Variants in SYN2 observed in about 807,000 individuals in gnomAD.
SYN2 encodes the protein synapsin II.
Under a neutral mutation model 50.9 loss-of-function variants are expected in SYN2, and 19 were observed. That is an observed-to-expected ratio of 0.37 (90% CI 0.26 to 0.55). The LOEUF (loss-of-function observed/expected upper bound fraction) is 0.55, where lower values mean the gene tolerates loss of function less well. Among genes scored for constraint, SYN2 ranks in the 20% least tolerant of loss-of-function variants. The pLI is 0.81. For synonymous variants in SYN2, 255 were observed against 224.9 expected, an observed-to-expected ratio of 1.13 and a Z score of -1.20; for missense variants, 587 against 576.4, an observed-to-expected ratio of 1.02 and a Z score of -0.19.
intron 1 of SYN2, among the ~76,000 whole-genome samples, chr3:12,025,910 G>T (rs1232004986): frequency 1.3e-5 from 2 of 152,176 alleles, no homozygotes; most frequent in East Asian, 3.8e-4. Flanking sequence ...AGCTTCCATT[G>T]AATTTTAAAG....
chr3:12,097,089 A>G (rs754589246), intron 1 of SYN2, among the ~76,000 whole-genome samples: 10 of 152,218 alleles, frequency 6.6e-5, no homozygotes, highest in Non-Finnish European at 1.3e-4. Flanking sequence ...AACTAGTTCA[A>G]CCATTGTGGA....
intron 1 of SYN2, among the ~76,000 whole-genome samples, chr3:12,100,862 T>C (rs1696058729): frequency 6.6e-6 from 1 of 152,016 alleles, no homozygotes; most frequent in Non-Finnish European, 1.5e-5. Flanking sequence ...CATCTACGTG[T>C]CAAGTAGATG....
intron 7 of SYN2, 80 bp downstream of exon 7, chr3:12,162,234 A>G: frequency 6.5e-7 from 1 of 1,535,728 alleles, no homozygotes; most frequent in Non-Finnish European, 8.8e-7. Flanking sequence ...CTCTCAGATA[A>G]CAGAGAGGGT....
chr3:12,124,134 C>A (rs1190464991), intron 1 of SYN2, among the ~76,000 whole-genome samples: 1 of 151,928 alleles, frequency 6.6e-6, no homozygotes, highest in East Asian at 1.9e-4. Context: ...GTGAAAAAAT[C>A]AAAATTGAGC....
chr3:12,083,334 T>G (rs186600407), intron 1 of SYN2, among the ~76,000 whole-genome samples: 1 of 152,228 alleles, frequency 6.6e-6, no homozygotes, highest in East Asian at 1.9e-4. Context: ...TTAGATCTTT[T>G]GGAGACAGCT....
At chr3:12,150,272 C>G (rs1445274384) in intron 4 of SYN2, among the ~76,000 whole-genome samples, 1 of 152,190 alleles carries the variant, frequency 6.6e-6, no homozygotes, top group African/African-American at 2.4e-5. Context: ...TGCTGATGCA[C>G]TGGGGATGGG....
At chr3:12,095,930 C>G (rs1346116860) in intron 1 of SYN2, among the ~76,000 whole-genome samples, 3 of 151,888 alleles carry the variant, frequency 2.0e-5, no homozygotes, top group African/African-American at 7.3e-5. Flanking sequence ...TCCCCACTTG[C>G]AGTTCTTATG....
At chr3:12,117,711 T>C (rs1185370606) in intron 1 of SYN2, among the ~76,000 whole-genome samples, 1 of 152,216 alleles carries the variant, frequency 6.6e-6, no homozygotes, top group Non-Finnish European at 1.5e-5. Context: ...CAGTTAGAGT[T>C]GTCAAGTTTT....
Position 12,191,802 on chromosome 3 carries a change from C to T in SYN2, c.*1177C>T, listed in dbSNP as rs1369804453. On this transcript the variant is annotated 3_prime_UTR_variant, in exon 13 of 13. Transcript: ENST00000621198. The stretch of plus-strand genomic sequence containing the variant: ...ATCATCAAGCTCCTCAGCTGAGGCC[C>T]ACATGGTGGTGCCAATGAGGCTGGA... Among the ~76,000 whole-genome samples, 5 of 152,126 alleles carry T rather than the reference C, an allele frequency of 3.3e-5. No individual in the cohort carries two copies. In the East Asian group the frequency reaches 9.6e-4, roughly 29 times the overall value.
At chr3:12,137,336 G>A (rs2125213889) in intron 1 of SYN2, among the ~76,000 whole-genome samples, 1 of 152,188 alleles carries the variant, frequency 6.6e-6, no homozygotes, top group East Asian at 1.9e-4. Context: ...GGGAAGTAGA[G>A]TAGTTTTCCC....
chr3:12,004,517 C>T lies in SYN2; in HGVS notation c.-35C>T, dbSNP rs770642166. On this transcript the variant is annotated 5_prime_UTR_variant, in exon 1 of 13. Transcript: ENST00000621198. ...CGCTCTCCCTCCGCGCCACCAGACC[C>T]CGTAGCCCCGCGCGCCCCCAGCCCT... is the stretch of plus-strand genomic sequence containing the variant. 3 of 546,712 alleles carry T rather than the reference C, an allele frequency of 5.5e-6. No individual in the cohort carries two copies. The highest frequency in any genetic ancestry group is 2.9e-4 in the Middle Eastern group (1 of 3,454). The allele number at this position is 546,712 out of a possible 1,614,324, so 33.9% of individuals were successfully genotyped here.
chr3:12,156,983 G>A (rs1208706544), intron 5 of SYN2: 1 of 1,362,412 alleles, frequency 7.3e-7, no homozygotes, highest in Admixed American at 1.8e-5. Flanking sequence ...TGAGTGTACT[G>A]TATATATTAA....
In SYN2 at chr3:12,153,837, C is replaced by A. The variant is rs900471748; in HGVS notation, c.774+2511C>A. The A allele has an allele frequency of 1.1e-5, 11 of 1,013,132 alleles. No individual in the cohort carries two copies. The African/African-American group carries it at 1.6e-4, about 15-fold the overall frequency. 62.8% of individuals were successfully genotyped at this position (1,013,132 alleles called of 1,614,324 possible). A position where few individuals can be genotyped will look rare whatever the true frequency, so the allele number is the denominator to read the frequency against. On this transcript the variant is annotated intron_variant, in intron 5 of 12. Transcript: ENST00000621198. ...GCCCCCTATCTTATCAAGCCTTTCC[C>A]AGTCCCCAGTCTTCTCCTGGATTCT...
chr3:12,158,732 G>A, intron 5 of SYN2: 1 of 1,609,698 alleles, frequency 6.2e-7, no homozygotes, highest in Non-Finnish European at 8.5e-7. Context: ...TGCTGCTGAG[G>A]GTGCGCCGGG....
intron 1 of SYN2, among the ~76,000 whole-genome samples, chr3:12,037,171 C>T (rs1309360841): frequency 6.6e-6 from 1 of 152,196 alleles, no homozygotes; most frequent in Non-Finnish European, 1.5e-5. Context: ...CTTAAGTAAT[C>T]CCTAAAAAGA....
rs976251827 is a variant in SYN2 at position 12,183,876 on chromosome 3, C to G, written c.1369+504C>G. ...CCCCAAGCTCAGTTAAATCCCCCAC[C>G]TCCAACTTTCCCTCCACCAGTGTGC... On this transcript the variant is annotated intron_variant, in intron 11 of 12. Coordinates refer to ENST00000621198, the MANE Select transcript of SYN2 (RefSeq NM_133625.6). 9 of 1,020,208 alleles carry G rather than the reference C, an allele frequency of 8.8e-6. No homozygotes were observed. In the African/African-American group the frequency reaches 1.6e-4, roughly 18 times the overall value. The allele number at this position is 1,020,208 out of a possible 1,614,324, so 63.2% of individuals were successfully genotyped here.
At chr3:12,045,705 C>T (rs1446108937) in intron 1 of SYN2, among the ~76,000 whole-genome samples, 1 of 152,176 alleles carries the variant, frequency 6.6e-6, no homozygotes, top group East Asian at 1.9e-4. Flanking sequence ...CCTACAATCT[C>T]CACCTCAGTG....
chr3:12,048,107 T>A (rs1694780705), intron 1 of SYN2, among the ~76,000 whole-genome samples: 1 of 152,202 alleles, frequency 6.6e-6, no homozygotes, highest in Non-Finnish European at 1.5e-5. Context: ...TTAGCCTTTT[T>A]ATGCCTTTTT....
At chr3:12,185,972 G>A (rs1698335554) in intron 11 of SYN2, among the ~76,000 whole-genome samples, 2 of 152,152 alleles carry the variant, frequency 1.3e-5, no homozygotes, top group Admixed American at 6.5e-5. Flanking sequence ...GAATTCCATT[G>A]ATTTATGTAT....
Sources: gnomAD v4.1 joint callset for allele counts (sites outside exome capture counted in the v4.1 genomes callset) on GRCh38, gnomAD v4.1.1 for gene constraint, MANE v1.5 for transcripts, NCBI Gene and HGNC (gene_info 2026-07-23, HGNC 2026-07-21) for gene names.